Variants in POU6F2 observed in about 807,000 individuals in gnomAD.
The protein encoded by POU6F2 is POU class 6 homeobox 2.
Under a neutral mutation model 71.3 loss-of-function variants are expected in POU6F2, and 31 were observed. That is an observed-to-expected ratio of 0.43 (90% CI 0.33 to 0.59). POU6F2 has a LOEUF of 0.59. POU6F2 is among the 20% of genes least tolerant of loss of function. POU6F2 has a pLI of 0.04. For synonymous variants in POU6F2, 347 were observed against 355.7 expected, an observed-to-expected ratio of 0.98 and a Z score of 0.27; for missense variants, 783 against 856.8, an observed-to-expected ratio of 0.91 and a Z score of 1.07.
chr7:39,324,107 C>CA (rs70977473), intron 4 of POU6F2, among the ~76,000 whole-genome samples: 2,925 of 70,476 alleles, frequency 0.042, 109 homozygotes, highest in African/African-American at 0.15. Flanking sequence ...AACTACATCT[C>CA]AAAAAAAAAA....
chr7:39,008,861 T>A lies in POU6F2; in HGVS notation c.105+30803T>A, dbSNP rs1202273285. 2.9e-3 allele frequency among the ~76,000 whole-genome samples: 439 copies of A among 150,058 alleles called. 9 individuals are homozygous for A. Among genetic ancestry groups the A allele is most frequent in the Admixed American group, 0.028 (418 of 15,102 alleles). ...TATGCGGCGTTATTTCTGAGGGCTCTGTTCTGTTCCATTGATCTATATCTC... is the reference window on the plus strand; with the variant it reads ...TATGCGGCGTTATTTCTGAGGGCTCAGTTCTGTTCCATTGATCTATATCTC... On this transcript the variant is annotated intron_variant, in intron 1 of 9. Coordinates refer to ENST00000518318, the MANE Select transcript of POU6F2 (RefSeq NM_001370959.1).
At chr7:39,205,062 A>G (rs1308694225) in intron 3 of POU6F2, among the ~76,000 whole-genome samples, 2 of 151,894 alleles carry the variant, frequency 1.3e-5, no homozygotes, top group African/African-American at 4.8e-5. Context: ...TTGAGGGCTC[A>G]CCCAAGTTTA....
At chr7:39,369,426 A>T (rs1786565230) in intron 5 of POU6F2, among the ~76,000 whole-genome samples, 2 of 148,368 alleles carry the variant, frequency 1.3e-5, no homozygotes, top group Admixed American at 1.3e-4. Context: ...CAATGGTGTG[A>T]TCTCGGCTCA....
chr7:39,385,847 C>A (rs1351793932), intron 5 of POU6F2, among the ~76,000 whole-genome samples: 1 of 152,106 alleles, frequency 6.6e-6, no homozygotes, highest in Non-Finnish European at 1.5e-5. Flanking sequence ...GGCCTACATC[C>A]AATGACCTAC....
chr7:39,049,213 A>C (rs1790356778), intron 1 of POU6F2, among the ~76,000 whole-genome samples: 2 of 150,392 alleles, frequency 1.3e-5, no homozygotes. Flanking sequence ...AATCCATATT[A>C]TTTCCTTTTT....
chr7:39,458,018 GC>G (rs988027813), intron 8 of POU6F2, among the ~76,000 whole-genome samples: 2 of 52,072 alleles, frequency 3.8e-5, no homozygotes, highest in Non-Finnish European at 8.7e-5. Context: ...TCCCCACCCC[GC>G]CCCCCCATAA....
At chr7:39,032,059 C>T (rs1044531673) in intron 1 of POU6F2, among the ~76,000 whole-genome samples, 1 of 152,132 alleles carries the variant, frequency 6.6e-6, no homozygotes, top group African/African-American at 2.4e-5. Context: ...CCTTTGGATG[C>T]TTAAAGGATG....
Position 39,085,931 on chromosome 7 carries a change from A to T in POU6F2, c.177A>T (p.Arg59Ser). 6.2e-7 allele frequency: 1 copy of T among 1,613,538 alleles called. No individual in the cohort carries two copies. The highest frequency in any genetic ancestry group is 8.5e-7 in the Non-Finnish European group (1 of 1,179,780). ...GGAGTGAAATGAATGCGGAGTTGAG[A>T]GGTGAGGACAAGGCTGCTACTTCAG... ...SVRSEMNAEL[R>S]GEDKAATSDS... Residue 59 changes from arginine (R) to serine (S), a missense_variant, in exon 2 of 10, where the codon AGA becomes AGT. Arg to Ser is a moderately radical substitution (Grantham distance 110). Transcript: ENST00000518318.
intron 2 of POU6F2, among the ~76,000 whole-genome samples, chr7:39,116,064 T>C (rs1311863572): frequency 6.6e-6 from 1 of 152,152 alleles, no homozygotes; most frequent in African/African-American, 2.4e-5. Flanking sequence ...CTTTTTATTC[T>C]CCTGCACTCA....
intron 2 of POU6F2, among the ~76,000 whole-genome samples, chr7:39,105,429 C>T (rs968329709): frequency 7.1e-6 from 1 of 140,326 alleles, no homozygotes; most frequent in Non-Finnish European, 1.6e-5. Context: ...TTTTTTTAAC[C>T]TCAGGTTTTT....
At chr7:39,359,824 G>A (rs1045986939) in intron 5 of POU6F2, among the ~76,000 whole-genome samples, 1 of 152,116 alleles carries the variant, frequency 6.6e-6, no homozygotes, top group Admixed American at 6.6e-5. Flanking sequence ...GCATGCAAGA[G>A]AAAATAATTA....
intron 5 of POU6F2, among the ~76,000 whole-genome samples, chr7:39,386,399 T>G (rs185022265): frequency 6.6e-6 from 1 of 152,136 alleles, no homozygotes; most frequent in African/African-American, 2.4e-5. Flanking sequence ...ACCCAGACAA[T>G]ATGACTCCAG....
chr7:39,275,349 G>A (rs900551081), intron 4 of POU6F2, among the ~76,000 whole-genome samples: 48 of 152,236 alleles, frequency 3.2e-4, no homozygotes, highest in South Asian at 2.1e-4. Context: ...TACAAGGGAC[G>A]TGAAGGACCT....
At chr7:39,085,233 G>A (rs572176508) in intron 1 of POU6F2, 2 of 152,172 alleles carry the variant, frequency 1.3e-5, no homozygotes, top group African/African-American at 2.4e-5. Context: ...GGTCAGCTCC[G>A]GTTCCCAATC....
At chr7:39,165,683 A>G (rs1165338951) in intron 2 of POU6F2, among the ~76,000 whole-genome samples, 5 of 152,218 alleles carry the variant, frequency 3.3e-5, no homozygotes, top group African/African-American at 1.2e-4. Flanking sequence ...CAAGATCAAG[A>G]TGCTTAAGAT....
At chr7:39,268,291 C>T (rs528798393) in intron 4 of POU6F2, among the ~76,000 whole-genome samples, 2 of 152,238 alleles carry the variant, frequency 1.3e-5, no homozygotes, top group South Asian at 2.1e-4. Flanking sequence ...GCTGGAATTT[C>T]GGTGCAGGGA....
Position 39,406,667 on chromosome 7 carries a change from C to A in POU6F2, c.1040C>A (p.Ser347Ter), listed in dbSNP as rs748605828. 6.2e-7 allele frequency: 1 copy of A among 1,613,822 alleles called. No homozygotes were observed. Among genetic ancestry groups the A allele is most frequent in the South Asian group, 1.1e-5 (1 of 91,068 alleles). Reference protein sequence around the residue: ...AAAAMSSIASSQAFGNALSSL... With the variant: ...AAAAMSSIAS ...GCAGCCATGAGCTCCATAGCAAGCT[C>A]ACAGGCCTTTGGCAATGCCCTCTCC... The change falls in exon 6 of 10, where the codon TCA (serine) becomes TAA (stop). Residue 347 changes from serine to a stop codon, truncating the protein, a stop_gained. Coordinates refer to ENST00000518318, the MANE Select transcript of POU6F2 (RefSeq NM_001370959.1). LOFTEE classifies it high-confidence loss of function.
At chr7:39,336,533 C>T (rs895798225) in intron 4 of POU6F2, among the ~76,000 whole-genome samples, 2 of 152,218 alleles carry the variant, frequency 1.3e-5, no homozygotes, top group Non-Finnish European at 2.9e-5. Context: ...TTTGGATAAG[C>T]ATTACCACAA....
chr7:39,408,868 G>T (rs1787491496), intron 6 of POU6F2, among the ~76,000 whole-genome samples: 2 of 152,140 alleles, frequency 1.3e-5, no homozygotes, highest in South Asian at 4.1e-4. Context: ...TATAAACCCG[G>T]TTATCTTCCC....
Sources: allele counts gnomAD v4.1 joint callset (sites outside exome capture counted in the v4.1 genomes callset), GRCh38; gene constraint gnomAD v4.1.1; transcripts MANE v1.5; gene names NCBI Gene and HGNC (gene_info 2026-07-23, HGNC 2026-07-21).